GREM2: variants seen among roughly 807,000 people sequenced by gnomAD.
GREM2 encodes the protein gremlin 2, DAN family BMP antagonist, also known as gremlin-2.
GREM2 carries 11 observed loss-of-function variants against 14.2 expected under a neutral mutation model. That is an observed-to-expected ratio of 0.78 (90% CI 0.49 to 1.28). The LOEUF (loss-of-function observed/expected upper bound fraction) is 1.28. GREM2 is among the 50% of genes most tolerant of loss of function. GREM2 has a pLI of 0.00. For synonymous variants in GREM2, 98 were observed against 97.6 expected, an observed-to-expected ratio of 1.00 and a Z score of -0.02; for missense variants, 210 against 218.5, an observed-to-expected ratio of 0.96 and a Z score of 0.24.
At chr1:240,506,105 A>C (rs1677672189) in intron 1 of GREM2, among the ~76,000 whole-genome samples, 3 of 152,206 alleles carry the variant, frequency 2.0e-5, no homozygotes, top group Admixed American at 2.0e-4. Flanking sequence ...CAGTACACTG[A>C]AGTATATTAA....
chr1:240,590,918 A>C (rs536451228), intron 1 of GREM2, among the ~76,000 whole-genome samples: 1 of 151,828 alleles, frequency 6.6e-6, no homozygotes, highest in South Asian at 2.1e-4. Context: ...CCTGAGTGGG[A>C]TTACAGGCAC....
intron 1 of GREM2, among the ~76,000 whole-genome samples, chr1:240,504,234 C>T (rs1356054587): frequency 6.6e-6 from 1 of 152,178 alleles, no homozygotes; most frequent in Non-Finnish European, 1.5e-5. Context: ...AGGTCCTCAT[C>T]TTCCTTTTAT....
intron 1 of GREM2, among the ~76,000 whole-genome samples, chr1:240,510,230 C>T (rs190326732): frequency 1.4e-3 from 211 of 151,732 alleles, no homozygotes; most frequent in Non-Finnish European, 2.0e-3. Context: ...ATGAGCCGGG[C>T]GTGGTGGCGG....
chr1:240,519,949 G>T (rs571227261), intron 1 of GREM2, among the ~76,000 whole-genome samples: 1 of 151,994 alleles, frequency 6.6e-6, no homozygotes, highest in Non-Finnish European at 1.5e-5. Context: ...GCGTGGTGGC[G>T]CATGCCTGTA....
rs972129916 is a variant in GREM2 at position 240,491,352 on chromosome 1, A to C, written c.*1617T>G. On this transcript the variant is annotated 3_prime_UTR_variant, in exon 2 of 2. Transcript: ENST00000318160. The stretch of plus-strand genomic sequence containing the variant: ...AGGGAATCATCAGTGAAAGGTTTTC[A>C]AAGTTTACTGATTCCCACCAATGGC... 1 of 152,658 alleles carries C rather than the reference A, an allele frequency of 6.6e-6. No homozygotes were observed. The highest frequency in any genetic ancestry group is 2.4e-5 in the African/African-American group (1 of 41,458). 9.5% of individuals were successfully genotyped at this position (152,658 alleles called of 1,614,324 possible). A position where few individuals can be genotyped will look rare whatever the true frequency, so the allele number is the denominator to read the frequency against.
rs530141743 is a variant in GREM2, at chr1:240,606,929, C to A, written c.-2+4955G>T. ...CTGACCTCAAGTGATCCACCCACCT[C>A]GGCCTCCCAAAATGCTGGGATTACA... On this transcript the variant is annotated intron_variant, in intron 1 of 1. Coordinates refer to ENST00000318160, the MANE Select transcript of GREM2 (RefSeq NM_022469.4). Among the ~76,000 whole-genome samples, 94 of 152,240 alleles carry A rather than the reference C, an allele frequency of 6.2e-4. 2 individuals are homozygous for A. The highest frequency in any genetic ancestry group is 6.1e-3 in the Admixed American group (94 of 15,290).
rs1208607767 is a variant in GREM2 at position 240,564,970 on chromosome 1, T to C, written c.-2+46914A>G. On this transcript the variant is annotated intron_variant, in intron 1 of 1. Transcript: ENST00000318160. ...AGGACTGGAACCCTTTCAGGAATAC[T>C]GTGTTGACTTCCTTTTTGTCAGAGT... Among the ~76,000 whole-genome samples the C allele has an allele frequency of 2.0e-5, 3 of 152,240 alleles. No individual in the cohort carries two copies. In the East Asian group the frequency reaches 5.8e-4, roughly 29 times the overall value.
chr1:240,533,686 T>C (rs145252162), intron 1 of GREM2, among the ~76,000 whole-genome samples: 17 of 152,248 alleles, frequency 1.1e-4, no homozygotes, highest in African/African-American at 4.1e-4. Flanking sequence ...AGAGGAGCAG[T>C]TGGATCTGAG....
At chr1:240,605,611 C>T (rs1438227310) in intron 1 of GREM2, among the ~76,000 whole-genome samples, 1 of 152,088 alleles carries the variant, frequency 6.6e-6, no homozygotes, top group Non-Finnish European at 1.5e-5. Flanking sequence ...TCTCCTGCAT[C>T]TCCTAAATTA....
intron 1 of GREM2, among the ~76,000 whole-genome samples, chr1:240,581,949 A>AATAC (rs564098419): frequency 6.6e-6 from 1 of 152,240 alleles, no homozygotes; most frequent in Non-Finnish European, 1.5e-5. Context: ...GCAATTCTGT[A>AATAC]ATACAGTGGT....
intron 1 of GREM2, among the ~76,000 whole-genome samples, chr1:240,518,794 T>G (rs939405649): frequency 6.6e-5 from 10 of 152,358 alleles, no homozygotes; most frequent in Non-Finnish European, 1.2e-4. Flanking sequence ...AAAATCTGCA[T>G]GCGTGGCTTG....
At chr1:240,507,106 T>C (rs1677690843) in intron 1 of GREM2, among the ~76,000 whole-genome samples, 1 of 152,154 alleles carries the variant, frequency 6.6e-6, no homozygotes, top group Non-Finnish European at 1.5e-5. Flanking sequence ...GCACAAGGAA[T>C]AAAAGATGTC....
chr1:240,572,550 G>A (rs1679280467), intron 1 of GREM2, among the ~76,000 whole-genome samples: 1 of 152,148 alleles, frequency 6.6e-6, no homozygotes. Context: ...AACACTCCCT[G>A]TAACTAGTCC....
chr1:240,506,860 T>A (rs1366676252), intron 1 of GREM2, among the ~76,000 whole-genome samples: 2 of 152,146 alleles, frequency 1.3e-5, no homozygotes, highest in African/African-American at 4.8e-5. Context: ...GAGTAAGCCA[T>A]GAAAGACAAT....
chr1:240,580,140 C>G lies in GREM2; in HGVS notation c.-2+31744G>C, dbSNP rs541275861. Among the ~76,000 whole-genome samples, 5 of 152,262 alleles carry G rather than the reference C, an allele frequency of 3.3e-5. No homozygotes were observed. In the South Asian group the frequency reaches 8.3e-4, roughly 25 times the overall value. ...GTGTGGTGGCTCATGTCTGTAATCC[C>G]AGCACTTTGGGAGGTCAAGGCAGGC... On this transcript the variant is annotated intron_variant, in intron 1 of 1. Coordinates refer to ENST00000318160, the MANE Select transcript of GREM2 (RefSeq NM_022469.4).
intron 1 of GREM2, among the ~76,000 whole-genome samples, chr1:240,550,164 A>G (rs2103337153): frequency 6.6e-6 from 1 of 152,198 alleles, no homozygotes; most frequent in South Asian, 2.1e-4. Flanking sequence ...CTGGGATTAC[A>G]AGCATGGGCC....
At chr1:240,532,984 G>A (rs1325549602) in intron 1 of GREM2, among the ~76,000 whole-genome samples, 2 of 152,188 alleles carry the variant, frequency 1.3e-5, no homozygotes, top group African/African-American at 2.4e-5. Context: ...CCCGTAACAA[G>A]CAAGTCCTCA....
intron 1 of GREM2, among the ~76,000 whole-genome samples, chr1:240,560,501 A>C (rs1276388107): frequency 6.6e-6 from 1 of 152,204 alleles, no homozygotes; most frequent in Non-Finnish European, 1.5e-5. Context: ...ATAGGTGGTC[A>C]AAAAGTATAT....
At chr1:240,550,257 G>C (rs1439427752) in intron 1 of GREM2, 1 of 152,186 alleles carries the variant, frequency 6.6e-6, no homozygotes, top group Non-Finnish European at 1.5e-5. Context: ...CCCCACCTCA[G>C]GTGATCCACC....
Sources: gnomAD v4.1 joint callset for allele counts (sites outside exome capture counted in the v4.1 genomes callset) on GRCh38, gnomAD v4.1.1 for gene constraint, MANE v1.5 for transcripts, NCBI Gene and HGNC (gene_info 2026-07-23, HGNC 2026-07-21) for gene names.